The following GSK3B variants were observed in gnomAD, a reference collection of about 807,000 sequenced individuals.
The protein encoded by GSK3B is glycogen synthase kinase 3 beta.
Under a neutral mutation model 56.4 loss-of-function variants are expected in GSK3B, and 15 were observed. The observed-to-expected ratio is 0.27, with a 90% CI of 0.18 to 0.41. The LOEUF (loss-of-function observed/expected upper bound fraction) is 0.41, where lower values mean the gene tolerates loss of function less well. GSK3B is among the 10% of genes least tolerant of loss of function. The probability of loss-of-function intolerance (pLI) is 1.00; values close to 1 mark genes in which losing one functional copy is unlikely to be tolerated. For missense variants in GSK3B, 300 were observed against 513.4 expected, an observed-to-expected ratio of 0.58 and a Z score of 4.02; for synonymous variants, 181 against 188.9, an observed-to-expected ratio of 0.96 and a Z score of 0.34.
intron 8 of GSK3B, among the ~76,000 whole-genome samples, chr3:119,865,458 ATATATATATTTTTTT>A (rs1203840915): frequency 3.2e-3 from 67 of 20,672 alleles, no homozygotes; most frequent in Non-Finnish European, 4.3e-3. Flanking sequence ...ATATATATAT[ATATATATATTTTTTT>A]TTTTTTTTTT....
intron 3 of GSK3B, among the ~76,000 whole-genome samples, chr3:119,943,649 T>G (rs1307280849): frequency 1.3e-5 from 2 of 151,674 alleles, no homozygotes; most frequent in East Asian, 3.9e-4. Flanking sequence ...CATATACAGA[T>G]TTAGAAGCAA....
chr3:119,958,866 G>C (rs1016977016), intron 2 of GSK3B, among the ~76,000 whole-genome samples: 26 of 151,974 alleles, frequency 1.7e-4, no homozygotes, highest in Admixed American at 1.4e-3. Flanking sequence ...TTGTCTCTTA[G>C]ACCATTTGCT....
rs1211316414 is a variant in GSK3B at position 119,961,632 on chromosome 3, C to CAAAAAA, written c.283-14287_283-14282dup. The stretch of plus-strand genomic sequence containing the variant: ...ACAGAGCAAGACTCTGTCTCACAAA[C>CAAAAAA]AAAAAAAAAAAAAAAAAAGGAAAAA... On this transcript the variant is annotated intron_variant, in intron 2 of 10. Transcript: ENST00000264235. 2.6e-4 allele frequency among the ~76,000 whole-genome samples: 25 copies of CAAAAAA among 95,858 alleles called. 1 individual carries two copies. The highest frequency in any genetic ancestry group is 1.7e-4 in the Non-Finnish European group (7 of 41,298). The allele number at this position is 95,858 out of a possible 152,430, so 62.9% of individuals were successfully genotyped here.
chr3:119,825,748 A>G lies in GSK3B; in HGVS notation c.*1040T>C, dbSNP rs75575079. On this transcript the variant is annotated 3_prime_UTR_variant, in exon 11 of 11. Coordinates refer to ENST00000264235, the MANE Select transcript of GSK3B (RefSeq NM_001146156.2). Reference sequence around the variant, plus strand: ...CAAGCTCAATTTTCAATTAAAAAATATGAAAAATAAACCAGTAGATGACTG... The same window carrying G: ...CAAGCTCAATTTTCAATTAAAAAATGTGAAAAATAAACCAGTAGATGACTG... The G allele has an allele frequency of 6.0e-3, 1,357 of 224,690 alleles. 18 individuals are homozygous for G. Among genetic ancestry groups the G allele is most frequent in the African/African-American group, 0.027 (1,218 of 45,060 alleles). 13.9% of individuals were successfully genotyped at this position (224,690 alleles called of 1,614,324 possible).
chr3:119,918,928 T>C (rs1009029685), intron 4 of GSK3B, among the ~76,000 whole-genome samples: 1 of 152,144 alleles, frequency 6.6e-6, no homozygotes, highest in African/African-American at 2.4e-5. Context: ...AATAAAATAA[T>C]AAAACAATAG....
intron 2 of GSK3B, among the ~76,000 whole-genome samples, chr3:119,958,884 T>C (rs1187195459): frequency 1.3e-5 from 2 of 152,134 alleles, no homozygotes; most frequent in Non-Finnish European, 2.9e-5. Flanking sequence ...GCTTTCTGAA[T>C]ACAGAAACTA....
At chr3:119,934,414 A>C (rs78904989) in intron 3 of GSK3B, among the ~76,000 whole-genome samples, 127 of 152,346 alleles carry the variant, frequency 8.3e-4, no homozygotes, top group African/African-American at 2.9e-3. Context: ...GGCATCCTAC[A>C]AAACATCTGA....
At chr3:120,090,045 TA>T (rs1485298965) in intron 1 of GSK3B, among the ~76,000 whole-genome samples, 1 of 152,072 alleles carries the variant, frequency 6.6e-6, no homozygotes, top group Non-Finnish European at 1.5e-5. Flanking sequence ...ATTTTGCATT[TA>T]AAATAATAGT....
At chr3:120,093,046 G>A (rs898022852) in intron 1 of GSK3B, among the ~76,000 whole-genome samples, 7 of 152,076 alleles carry the variant, frequency 4.6e-5, no homozygotes, top group African/African-American at 1.7e-4. Flanking sequence ...CTACTTTAAC[G>A]TGGAAACACT....
At chr3:119,870,438 TGTCTTC>T in intron 8 of GSK3B, among the ~76,000 whole-genome samples, 1 of 152,344 alleles carries the variant, frequency 6.6e-6, no homozygotes, top group Non-Finnish European at 1.5e-5. Context: ...AATAGAATTT[TGTCTTC>T]TTTTCAAATC....
intron 2 of GSK3B, among the ~76,000 whole-genome samples, chr3:119,966,447 T>A (rs1448549219): frequency 6.6e-6 from 1 of 152,148 alleles, no homozygotes; most frequent in African/African-American, 2.4e-5. Context: ...GAAACAAATT[T>A]AGAGAGGTAA....
chr3:120,059,611 T>C (rs964924914), intron 1 of GSK3B, among the ~76,000 whole-genome samples: 4 of 152,318 alleles, frequency 2.6e-5, no homozygotes, highest in African/African-American at 9.6e-5. Flanking sequence ...TGAATCTTAG[T>C]GAGAAAGCAA....
intron 2 of GSK3B, among the ~76,000 whole-genome samples, chr3:119,961,632 CAAA>C (rs1211316414): frequency 1.3e-4 from 12 of 95,868 alleles, no homozygotes; most frequent in Non-Finnish European, 1.5e-4. Context: ...GTCTCACAAA[CAAA>C]AAAAAAAAAA....
chr3:120,027,251 C>T (rs1373130295), intron 1 of GSK3B, among the ~76,000 whole-genome samples: 1 of 151,218 alleles, frequency 6.6e-6, no homozygotes, highest in Non-Finnish European at 1.5e-5. Flanking sequence ...GTGGTGCGTG[C>T]CTGTAATCCC....
At chr3:119,834,463 C>A (rs1208290475) in intron 10 of GSK3B, among the ~76,000 whole-genome samples, 1 of 152,070 alleles carries the variant, frequency 6.6e-6, no homozygotes, top group African/African-American at 2.4e-5. Flanking sequence ...GTGAGCCAAC[C>A]CCATCCACCA....
At chr3:119,923,774 C>T (rs955328274) in intron 3 of GSK3B, among the ~76,000 whole-genome samples, 1 of 152,134 alleles carries the variant, frequency 6.6e-6, no homozygotes, top group African/African-American at 2.4e-5. Flanking sequence ...GAGGATATCA[C>T]CTGTCATAAA....
intron 4 of GSK3B, among the ~76,000 whole-genome samples, chr3:119,922,365 C>T (rs1485474110): frequency 6.8e-6 from 1 of 147,198 alleles, no homozygotes; most frequent in Non-Finnish European, 1.5e-5. Context: ...ATATACACTA[C>T]ATATAGTATA....
intron 1 of GSK3B, among the ~76,000 whole-genome samples, chr3:120,073,190 T>C (rs187417700): frequency 8.2e-4 from 98 of 119,746 alleles, no homozygotes; most frequent in Middle Eastern, 7.6e-3. Context: ...CTGGACAACA[T>C]AGGGAGACCT....
intron 7 of GSK3B, among the ~76,000 whole-genome samples, chr3:119,900,613 C>T (rs1032218653): frequency 2.6e-5 from 4 of 152,056 alleles, no homozygotes; most frequent in Admixed American, 6.6e-5. Context: ...CTGGGGGACA[C>T]CTGTCATTTA....
Sources: gnomAD v4.1 joint callset for allele counts (sites outside exome capture counted in the v4.1 genomes callset) on GRCh38, gnomAD v4.1.1 for gene constraint, MANE v1.5 for transcripts, NCBI Gene and HGNC (gene_info 2026-07-23, HGNC 2026-07-21) for gene names.